Variants in MPPED1 observed in about 807,000 individuals in gnomAD.
The protein encoded by MPPED1 is metallophosphoesterase domain-containing protein 1.
In MPPED1, 16 loss-of-function variants were observed where a neutral mutation model predicts 36.2. The observed-to-expected ratio is 0.44, with a 90% CI of 0.30 to 0.67. The LOEUF is 0.67. Among genes scored for constraint, MPPED1 ranks in the 30% least tolerant of loss-of-function variants. The pLI, the probability that MPPED1 is intolerant of heterozygous loss-of-function variation, is 0.10. For synonymous variants in MPPED1, 199 were observed against 191.3 expected (o/e 1.04, Z -0.33); for missense variants, 307 against 453.4 (o/e 0.68, Z 2.93).
At chr22:43,477,101 G>A (rs1395200183) in intron 4 of MPPED1, among the ~76,000 whole-genome samples, 1 of 152,178 alleles carries the variant, frequency 6.6e-6, no homozygotes, top group East Asian at 1.9e-4. Context: ...GCTCCCTGTT[G>A]GAGGGGGCAT....
chr22:43,481,101 G>T (rs1350486785), intron 4 of MPPED1, among the ~76,000 whole-genome samples: 2 of 152,108 alleles, frequency 1.3e-5, no homozygotes, highest in Non-Finnish European at 2.9e-5. Flanking sequence ...GGGATTATAG[G>T]CATGAGCCAC....
chr22:43,423,435 A>C (rs1227571078), intron 1 of MPPED1, among the ~76,000 whole-genome samples: 2 of 152,204 alleles, frequency 1.3e-5, no homozygotes, highest in Non-Finnish European at 2.9e-5. Flanking sequence ...AACCCACAGG[A>C]CAAAACAATG....
At chr22:43,476,488 G>A (rs1931582111) in intron 4 of MPPED1, among the ~76,000 whole-genome samples, 1 of 152,152 alleles carries the variant, frequency 6.6e-6, no homozygotes, top group Admixed American at 6.5e-5. Context: ...TTGCCTGGGT[G>A]GAAGGACTTC....
At chr22:43,481,503 T>G (rs539958869) in intron 4 of MPPED1, among the ~76,000 whole-genome samples, 1 of 152,286 alleles carries the variant, frequency 6.6e-6, no homozygotes, top group South Asian at 2.1e-4. Context: ...CAGAGTCTGG[T>G]TCCTCATAAT....
At chr22:43,497,946 T>TATATATATATATAG (rs1219426341) in intron 4 of MPPED1, among the ~76,000 whole-genome samples, 2 of 95,110 alleles carry the variant, frequency 2.1e-5, no homozygotes, top group African/African-American at 7.2e-5. Flanking sequence ...TATATATATA[T>TATATATATATATAG]ATGTATTTAG....
intron 1 of MPPED1, among the ~76,000 whole-genome samples, chr22:43,414,990 A>G (rs1299701802): frequency 2.6e-5 from 4 of 152,108 alleles, no homozygotes; most frequent in African/African-American, 9.7e-5. Flanking sequence ...CTCACCCTCT[A>G]GGACCAGAAG....
rs1929421091 is a variant in MPPED1 at position 43,425,130 on chromosome 22, G to A, written c.145G>A (p.Glu49Lys). Residue 49 changes from glutamate (E) to lysine (K), a missense_variant, in exon 2 of 7, where the codon GAG (glutamate) becomes AAG (lysine). By Grantham distance (56) the Glu-to-Lys change is moderately conservative (BLOSUM62 1). Around this residue, in one of 3 missense-constraint regions of MPPED1, gnomAD observed 169 missense variants for 212.3 expected, o/e 0.80. Coordinates refer to ENST00000443721, the MANE Select transcript of MPPED1 (RefSeq NM_001044370.2). ...QHSRLIIEVD[E>K]YSSNPTQAFT... ...CAGCCGGCTCATCATCGAGGTGGACGAGTACAGCTCCAACCCCACCCAGGC... is the reference window on the plus strand; with the variant it reads ...CAGCCGGCTCATCATCGAGGTGGACAAGTACAGCTCCAACCCCACCCAGGC... The A allele has an allele frequency of 1.2e-6, 2 of 1,613,856 alleles. No individual in the cohort carries two copies. Among genetic ancestry groups the A allele is most frequent in the East Asian group, 2.2e-5 (1 of 44,870 alleles).
intron 6 of MPPED1, among the ~76,000 whole-genome samples, chr22:43,504,585 T>C (rs1347447297): frequency 6.6e-6 from 1 of 151,392 alleles, no homozygotes; most frequent in Non-Finnish European, 1.5e-5. Context: ...ATGATGATGT[T>C]GATGGTGATG....
chr22:43,445,944 C>T (rs1930329406), intron 3 of MPPED1, among the ~76,000 whole-genome samples: 1 of 140,726 alleles, frequency 7.1e-6, no homozygotes, highest in Non-Finnish European at 1.5e-5. Flanking sequence ...GATCATGGCG[C>T]ACTGCAGCCT....
At chr22:43,501,973 G>A (rs953468926) in intron 5 of MPPED1, among the ~76,000 whole-genome samples, 36 of 152,066 alleles carry the variant, frequency 2.4e-4, no homozygotes, top group Non-Finnish European at 1.2e-4. Flanking sequence ...CAAACAGAGA[G>A]GGGCCGCCAT....
At chr22:43,421,427 T>A (rs1929271743) in intron 1 of MPPED1, among the ~76,000 whole-genome samples, 1 of 152,346 alleles carries the variant, frequency 6.6e-6, no homozygotes, top group East Asian at 1.9e-4. Flanking sequence ...CTGAGTCCCT[T>A]TGGTGCAGAG....
intron 4 of MPPED1, among the ~76,000 whole-genome samples, chr22:43,497,099 A>G (rs867982560): frequency 0.019 from 1,917 of 100,530 alleles, 59 homozygotes; most frequent in African/African-American, 0.066. Flanking sequence ...GGTGGCGGAG[A>G]TGGTGGTGAT....
intron 3 of MPPED1, among the ~76,000 whole-genome samples, chr22:43,462,256 T>A (rs1349278097): frequency 6.6e-6 from 1 of 152,230 alleles, no homozygotes; most frequent in Non-Finnish European, 1.5e-5. Context: ...TGCTTCTTTT[T>A]ATTTAATCAA....
At chr22:43,416,993 G>A in intron 1 of MPPED1, 1 of 985,402 alleles carries the variant, frequency 1.0e-6, no homozygotes, top group Middle Eastern at 5.2e-4. Context: ...GCAGCTATTT[G>A]TGGCAGACAG....
intron 3 of MPPED1, among the ~76,000 whole-genome samples, chr22:43,451,735 G>A (rs1286685442): frequency 2.0e-5 from 3 of 152,238 alleles, no homozygotes; most frequent in Non-Finnish European, 4.4e-5. Flanking sequence ...CTCTGCAGAG[G>A]TTTCCCTCCT....
chr22:43,434,442 C>T (rs1189034745), intron 2 of MPPED1, among the ~76,000 whole-genome samples: 2 of 152,234 alleles, frequency 1.3e-5, no homozygotes, highest in Admixed American at 6.5e-5. Flanking sequence ...TTGTCCTCAT[C>T]GCCCGACCAC....
intron 1 of MPPED1, among the ~76,000 whole-genome samples, chr22:43,415,835 C>T (rs939346343): frequency 6.6e-6 from 1 of 152,204 alleles, no homozygotes; most frequent in African/African-American, 2.4e-5. Context: ...TTCGCATTCC[C>T]GTCTCCTCCT....
At chr22:43,483,749 AG>A (rs1931822259) in intron 4 of MPPED1, among the ~76,000 whole-genome samples, 1 of 152,282 alleles carries the variant, frequency 6.6e-6, no homozygotes, top group African/African-American at 2.4e-5. Flanking sequence ...TGGCTGGCTT[AG>A]GGGGTGTAGC....
chr22:43,490,530 GGGCCA>G, intron 4 of MPPED1, among the ~76,000 whole-genome samples: 1 of 152,266 alleles, frequency 6.6e-6, no homozygotes. Flanking sequence ...GCTCTACCAG[GGGCCA>G]GCTCCTGGGG....
Sources: allele counts gnomAD v4.1 joint callset (sites outside exome capture counted in the v4.1 genomes callset), GRCh38; gene constraint gnomAD v4.1.1; regional missense constraint gnomAD v4.1.1; transcripts MANE v1.5; gene names NCBI Gene and HGNC (gene_info 2026-07-23, HGNC 2026-07-21).